SHANK2: variants seen among roughly 807,000 people sequenced by gnomAD.
SHANK2 encodes the protein SH3 and multiple ankyrin repeat domains 2, also known as SH3 and multiple ankyrin repeat domains protein 2.
SHANK2 carries 43 observed loss-of-function variants against 133.7 expected under a neutral mutation model. The observed-to-expected ratio is 0.32, with a 90% confidence interval of 0.25 to 0.41. The LOEUF (loss-of-function observed/expected upper bound fraction) is 0.41, where lower values mean the gene tolerates loss of function less well. Ranked by LOEUF, SHANK2 falls within the 10% of genes least tolerant of loss-of-function variation. The pLI is 1.00. For synonymous variants in SHANK2, 1,017 were observed against 952.8 expected (o/e 1.07, Z -1.24); for missense variants, 1,994 against 2,235.8 (o/e 0.89, Z 2.18).
intron 17 of SHANK2, among the ~76,000 whole-genome samples, chr11:70,561,833 C>T (rs1457380513): frequency 2.0e-5 from 3 of 152,080 alleles, no homozygotes; most frequent in Non-Finnish European, 4.4e-5. Context: ...CCACACTTAG[C>T]CTTACTTTGG....
intron 11 of SHANK2, chr11:70,826,758 A>T (rs534132152): frequency 3.4e-6 from 1 of 293,944 alleles, no homozygotes; most frequent in South Asian, 3.0e-5. Flanking sequence ...AAACCCGGCT[A>T]CCTCTCGCGG....
intron 14 of SHANK2, among the ~76,000 whole-genome samples, chr11:70,794,307 A>C (rs1445741068): frequency 6.6e-6 from 1 of 150,736 alleles, no homozygotes; most frequent in Non-Finnish European, 1.5e-5. Context: ...CATATAAACC[A>C]CTGAGTCCTG....
chr11:70,613,187 ACTTT>A (rs1459643422), intron 17 of SHANK2, among the ~76,000 whole-genome samples: 1 of 151,826 alleles, frequency 6.6e-6, no homozygotes, highest in African/African-American at 2.4e-5. Context: ...AAGATTTGGG[ACTTT>A]TTTTCATGTT....
rs575013063 is a variant in SHANK2, at chr11:70,644,533, G to T, written c.2061+15295C>A. Among the ~76,000 whole-genome samples, 5 of 152,366 alleles carry T rather than the reference G, an allele frequency of 3.3e-5. No individual in the cohort carries two copies. In the East Asian group the frequency reaches 9.6e-4, roughly 29 times the overall value. ...CCATGTGGGGTGGACGCAGCGACAG[G>T]AACTGAGGGGGCCCCCGGCCAAGGG... On this transcript the variant is annotated intron_variant, in intron 17 of 25. Coordinates refer to ENST00000601538, the MANE Select transcript of SHANK2 (RefSeq NM_012309.5).
rs71049964 is a variant in SHANK2, at chr11:71,218,261, CTTT to C, written c.-13+6433_-13+6435del. 4.4e-4 allele frequency among the ~76,000 whole-genome samples: 32 copies of C among 72,502 alleles called. No individual in the cohort carries two copies. The East Asian group carries it at 7.5e-3, about 17-fold the overall frequency. 47.6% of individuals were successfully genotyped at this position (72,502 alleles called of 152,430 possible). A position where few individuals can be genotyped will look rare whatever the true frequency, so the allele number is the denominator to read the frequency against. On this transcript the variant is annotated intron_variant, in intron 2 of 25. Transcript: ENST00000601538. ...AAGAAATTCTTCTAATTTTCTTTTTCTTTTTTTTTTTTTTTTTTTTGAGATGGA... is the reference window on the plus strand; with the variant it reads ...AAGAAATTCTTCTAATTTTCTTTTTCTTTTTTTTTTTTTTTTTGAGATGGA...
chr11:71,117,636 C>T lies in SHANK2; in HGVS notation c.411+1193G>A, dbSNP rs145741292. Among the ~76,000 whole-genome samples the T allele has an allele frequency of 6.6e-5, 10 of 152,288 alleles. No individual in the cohort carries two copies. In the East Asian group the frequency reaches 1.9e-3, roughly 29 times the overall value. On this transcript the variant is annotated intron_variant, in intron 4 of 25. Transcript: ENST00000601538. ...TGTAATGCCTATGTAATGAAACTTC[C>T]ATAAAAATACCTCAACAATGGGGCC...
chr11:70,618,426 G>T (rs782506178), intron 17 of SHANK2, among the ~76,000 whole-genome samples: 9 of 152,058 alleles, frequency 5.9e-5, no homozygotes, highest in Non-Finnish European at 8.8e-5. Flanking sequence ...AGAGTTAACC[G>T]CCATTTATGT....
chr11:70,667,012 C>T (rs1216888956), intron 15 of SHANK2, among the ~76,000 whole-genome samples: 3 of 152,040 alleles, frequency 2.0e-5, no homozygotes, highest in African/African-American at 7.2e-5. Flanking sequence ...GGGCAACCAG[C>T]CCCACCAAGT....
At chr11:70,944,576 G>T (rs1555085043) in intron 10 of SHANK2, among the ~76,000 whole-genome samples, 2 of 152,228 alleles carry the variant, frequency 1.3e-5, no homozygotes. Flanking sequence ...TCAGACCCCA[G>T]ATCCTCTATG....
At chr11:71,113,771 T>C (rs1951930246) in intron 4 of SHANK2, among the ~76,000 whole-genome samples, 1 of 152,190 alleles carries the variant, frequency 6.6e-6, no homozygotes, top group Non-Finnish European at 1.5e-5. Flanking sequence ...TCTCCTACAT[T>C]GTCCACCTTT....
At chr11:70,513,708 A>T (rs2059232663) in intron 17 of SHANK2, among the ~76,000 whole-genome samples, 1 of 152,248 alleles carries the variant, frequency 6.6e-6, no homozygotes, top group Non-Finnish European at 1.5e-5. Flanking sequence ...TTTAAAAAGA[A>T]TTATATGGAA....
chr11:70,585,699 T>C (rs1271833991), intron 17 of SHANK2, among the ~76,000 whole-genome samples: 3 of 151,358 alleles, frequency 2.0e-5, no homozygotes, highest in African/African-American at 7.3e-5. Context: ...ATCTATCCAT[T>C]TGCCTACCCA....
chr11:70,734,220 C>T (rs781993906), intron 14 of SHANK2, among the ~76,000 whole-genome samples: 8 of 152,130 alleles, frequency 5.3e-5, no homozygotes, highest in Non-Finnish European at 7.4e-5. Flanking sequence ...TTCCAGGGCA[C>T]CGTGACGGGG....
rs2059528401 is a variant in SHANK2, at chr11:70,535,214, T to C, written c.2062-32283A>G. Among the ~76,000 whole-genome samples the C allele has an allele frequency of 6.6e-6, 1 of 152,166 alleles. No individual in the cohort carries two copies. The highest frequency in any genetic ancestry group is 6.5e-5 in the Admixed American group (1 of 15,282). ...CATCCATCTGCTCACCTAATCCATC[T>C]TCCCACATGAGTCAGTCCATCCATC... On this transcript the variant is annotated intron_variant, in intron 17 of 25. Coordinates refer to ENST00000601538, the MANE Select transcript of SHANK2 (RefSeq NM_012309.5). This position sits in a 1 kb window ranked among gnomAD's most constrained non-coding sequence, Gnocchi z 4.3.
At chr11:70,616,327 C>T (rs782680442) in intron 17 of SHANK2, among the ~76,000 whole-genome samples, 3 of 152,066 alleles carry the variant, frequency 2.0e-5, no homozygotes, top group Non-Finnish European at 2.9e-5. Flanking sequence ...ACTGGGCTGT[C>T]GGAACTGGCT....
intron 15 of SHANK2, among the ~76,000 whole-genome samples, chr11:70,697,750 G>A (rs555231142): frequency 5.3e-5 from 8 of 152,262 alleles, no homozygotes; most frequent in African/African-American, 1.9e-4. Context: ...CCTGGAGGTC[G>A]GGGAAGAACC....
chr11:70,697,501 C>T (rs536337273), intron 15 of SHANK2, among the ~76,000 whole-genome samples: 2 of 152,260 alleles, frequency 1.3e-5, no homozygotes, highest in African/African-American at 2.4e-5. Flanking sequence ...GTGGGAGTGA[C>T]TGCTAATGGG....
At chr11:70,639,024 CA>C (rs1240814966) in intron 17 of SHANK2, among the ~76,000 whole-genome samples, 2 of 147,026 alleles carry the variant, frequency 1.4e-5, no homozygotes, top group Non-Finnish European at 3.1e-5. Flanking sequence ...AAAAAAAAAA[CA>C]AAAAAAACAT....
chr11:70,824,509 G>A (rs1555056807), intron 11 of SHANK2, among the ~76,000 whole-genome samples: 1 of 152,170 alleles, frequency 6.6e-6, no homozygotes, highest in African/African-American at 2.4e-5. Context: ...TGGCCGGGGA[G>A]AGACAAGGAA....
Sources: allele counts gnomAD v4.1 joint callset (sites outside exome capture counted in the v4.1 genomes callset), GRCh38; gene constraint gnomAD v4.1.1; non-coding constraint Gnocchi (gnomAD v3.1); transcripts MANE v1.5; gene names NCBI Gene and HGNC (gene_info 2026-07-23, HGNC 2026-07-21).